The following STXBP3 variants were observed in gnomAD, a reference collection of about 807,000 sequenced individuals.
The protein encoded by STXBP3 is syntaxin binding protein 3.
STXBP3 carries 41 observed loss-of-function variants against 85.7 expected under a neutral mutation model. That is an observed-to-expected ratio of 0.48 (90% CI 0.37 to 0.62). The LOEUF (loss-of-function observed/expected upper bound fraction) is 0.62. STXBP3 is among the 20% of genes least tolerant of loss of function. The pLI is 0.00. For missense variants in STXBP3, 563 were observed against 703.1 expected, an observed-to-expected ratio of 0.80 and a Z score of 2.25; for synonymous variants, 229 against 231.7, an observed-to-expected ratio of 0.99 and a Z score of 0.10.
chr1:108,781,457 A>G (rs1662713586), intron 9 of STXBP3: 1 of 152,212 alleles, frequency 6.6e-6, no homozygotes. Flanking sequence ...AAGGGGAATC[A>G]GTCAGGAAGC....
chr1:108,765,408 G>T (rs929781175), intron 6 of STXBP3, among the ~76,000 whole-genome samples: 2 of 152,104 alleles, frequency 1.3e-5, no homozygotes, highest in Admixed American at 6.5e-5. Context: ...GTGCCATGTG[G>T]CTTGTCCTTA....
chr1:108,796,142 C>A (rs965189722), intron 13 of STXBP3, 92 bp from the exon 14 acceptor site: 4 of 1,375,996 alleles, frequency 2.9e-6, no homozygotes, highest in African/African-American at 2.9e-5. Context: ...GGATTACAGG[C>A]GTGAGCCACT....
At chr1:108,807,645 T>C in intron 18 of STXBP3, 96 bp downstream of exon 18, 1 of 1,298,348 alleles carries the variant, frequency 7.7e-7, no homozygotes, top group South Asian at 1.4e-5. Flanking sequence ...GGCGCAATCT[T>C]GGCTCACCGC....
Position 108,768,246 on chromosome 1 carries a change from A to G in STXBP3, c.439-4419A>G, listed in dbSNP as rs1662310788. Among the ~76,000 whole-genome samples, 3 of 152,132 alleles carry G rather than the reference A, an allele frequency of 2.0e-5. No homozygotes were observed. In the South Asian group the frequency reaches 6.2e-4, roughly 31 times the overall value. ...ATACAAGGAATGTATCCATCATTTCATGCATTTAGGAGCCAGGTTTTGTTA... is the reference window on the plus strand; with the variant it reads ...ATACAAGGAATGTATCCATCATTTCGTGCATTTAGGAGCCAGGTTTTGTTA... On this transcript the variant is annotated intron_variant, in intron 6 of 18. Coordinates refer to ENST00000370008, the MANE Select transcript of STXBP3 (RefSeq NM_007269.4).
chr1:108,771,027 AG>A (rs1049281889), intron 6 of STXBP3, among the ~76,000 whole-genome samples: 2 of 152,012 alleles, frequency 1.3e-5, no homozygotes, highest in African/African-American at 4.8e-5. Context: ...TAATGGGTTA[AG>A]GTTTATAATT....
chr1:108,757,316 G>C (rs74112519), intron 4 of STXBP3, among the ~76,000 whole-genome samples: 5,455 of 151,892 alleles, frequency 0.036, 161 homozygotes, highest in African/African-American at 0.09. Context: ...ATGCATTTTT[G>C]AAAACCTGAT....
chr1:108,800,352 A>C (rs1384210894), intron 17 of STXBP3, 47 bp downstream of exon 17: 1 of 1,376,742 alleles, frequency 7.3e-7, no homozygotes, highest in Non-Finnish European at 1.0e-6. Flanking sequence ...TCTACGGACT[A>C]ATAATTTAAA....
chr1:108,766,471 G>A (rs948234002), intron 6 of STXBP3, among the ~76,000 whole-genome samples: 11 of 152,054 alleles, frequency 7.2e-5, no homozygotes, highest in South Asian at 2.1e-4. Flanking sequence ...GAACATATAC[G>A]TTACATTTGT....
chr1:108,752,471 A>G (rs989787350), intron 2 of STXBP3, among the ~76,000 whole-genome samples, 165 bp downstream of exon 2: 6 of 152,182 alleles, frequency 3.9e-5, no homozygotes, highest in African/African-American at 1.2e-4. Context: ...TGCAAACACT[A>G]CACTATTTTA....
intron 10 of STXBP3, 51 bp downstream of exon 10, chr1:108,782,568 A>G: frequency 6.2e-7 from 1 of 1,600,236 alleles, no homozygotes; most frequent in Non-Finnish European, 8.5e-7. Flanking sequence ...ACACTATGTG[A>G]TAGTACATTT....
At chr1:108,808,742 T>G in intron 18 of STXBP3, 41 bp from the exon 19 acceptor site, 1 of 1,485,898 alleles carries the variant, frequency 6.7e-7, no homozygotes, top group South Asian at 1.1e-5. Flanking sequence ...GAAAATTGAT[T>G]TAACTGCTGG....
chr1:108,749,803 A>G (rs2101100072), intron 1 of STXBP3, among the ~76,000 whole-genome samples: 1 of 152,342 alleles, frequency 6.6e-6, no homozygotes, highest in Middle Eastern at 3.4e-3. Flanking sequence ...AAGTATCTTC[A>G]GATTCCAAGA....
chr1:108,749,868 T>C (rs1557798275), intron 1 of STXBP3, among the ~76,000 whole-genome samples: 1 of 152,180 alleles, frequency 6.6e-6, no homozygotes. Flanking sequence ...TTTCTAGTAG[T>C]CACATAAAAA....
intron 8 of STXBP3, among the ~76,000 whole-genome samples, chr1:108,776,913 T>C (rs917238336): frequency 1.3e-5 from 2 of 152,174 alleles, no homozygotes; most frequent in African/African-American, 2.4e-5. Flanking sequence ...TGAAATAATA[T>C]ATACCTTGCT....
chr1:108,801,683 C>A (rs1570775431), intron 17 of STXBP3, among the ~76,000 whole-genome samples: 1 of 149,390 alleles, frequency 6.7e-6, no homozygotes, highest in South Asian at 2.1e-4. Context: ...TAAATAGAGG[C>A]AAGGCCTCTC....
At chr1:108,776,283 A>C (rs1233696478) in intron 7 of STXBP3, 50 bp from the exon 8 acceptor site, 6 of 1,235,824 alleles carry the variant, frequency 4.9e-6, no homozygotes, top group Non-Finnish European at 6.7e-6. Flanking sequence ...GATATTATAA[A>C]GTATACACTG....
chr1:108,766,647 A>G (rs756157242), intron 6 of STXBP3, among the ~76,000 whole-genome samples: 5 of 152,180 alleles, frequency 3.3e-5, no homozygotes, highest in Non-Finnish European at 5.9e-5. Context: ...TTTCAGATGT[A>G]AATACCAGTG....
intron 11 of STXBP3, among the ~76,000 whole-genome samples, chr1:108,784,972 C>G (rs1662794120): frequency 6.6e-6 from 1 of 152,224 alleles, no homozygotes; most frequent in Admixed American, 6.5e-5. Context: ...TCCCATGGCC[C>G]TAGGCAGCTC....
chr1:108,754,073 C>T (rs1405554537), intron 3 of STXBP3, among the ~76,000 whole-genome samples: 3 of 147,390 alleles, frequency 2.0e-5, no homozygotes, highest in Non-Finnish European at 4.4e-5. Flanking sequence ...CACTCTGTCA[C>T]CCAGGCTGGA....
Sources: gnomAD v4.1 joint callset for allele counts (sites outside exome capture counted in the v4.1 genomes callset) on GRCh38, gnomAD v4.1.1 for gene constraint, MANE v1.5 for transcripts, NCBI Gene and HGNC (gene_info 2026-07-23, HGNC 2026-07-21) for gene names.